The following MACROD2 variants were observed in gnomAD, a reference collection of about 807,000 sequenced individuals.
MACROD2 encodes mono-ADP ribosylhydrolase 2.
In MACROD2, 36 loss-of-function variants were observed where a neutral mutation model predicts 70.4. The ratio of observed to expected loss-of-function variants is 0.51; its 90% CI spans 0.39 to 0.68. The LOEUF is 0.68. MACROD2 is among the 30% of genes least tolerant of loss of function. The pLI, the probability that MACROD2 is intolerant of heterozygous loss-of-function variation, is 0.00. For synonymous variants in MACROD2, 172 were observed against 178.8 expected, an observed-to-expected ratio of 0.96 and a Z score of 0.30; for missense variants, 496 against 538.4, an observed-to-expected ratio of 0.92 and a Z score of 0.78.
chr20:16,049,937 A>G lies in MACROD2; in HGVS notation c.*61A>G. On this transcript the variant is annotated 3_prime_UTR_variant, in exon 18 of 18. Transcript: ENST00000684519. ...GGGGAGCTCGGGAAGATAGCAGCAC[A>G]CGCTGTGGAGGAGGGTGGGGGTGGG... is the stretch of plus-strand genomic sequence containing the variant. 1 of 340,516 alleles carries G rather than the reference A, an allele frequency of 2.9e-6. No individual in the cohort carries two copies. The highest frequency in any genetic ancestry group is 5.6e-6 in the Non-Finnish European group (1 of 179,482). 21.1% of individuals were successfully genotyped at this position (340,516 alleles called of 1,614,324 possible). A position where few individuals can be genotyped will look rare whatever the true frequency, so the allele number is the denominator to read the frequency against.
intron 4 of MACROD2, among the ~76,000 whole-genome samples, chr20:14,528,746 C>T (rs966179045): frequency 6.6e-6 from 1 of 151,982 alleles, no homozygotes; most frequent in Non-Finnish European, 1.5e-5. Context: ...CGGACATGGA[C>T]CATTGATTAG....
rs1568747219 is a variant in MACROD2 at position 14,702,566 on chromosome 20, CACATATATGTGTATATATATGT to C, written c.418+17609_418+17630del. Among the ~76,000 whole-genome samples the C allele has an allele frequency of 2.6e-3, 304 of 118,366 alleles. 8 individuals are homozygous for C. The highest frequency in any genetic ancestry group is 0.015 in the East Asian group (59 of 4,034). 77.7% of individuals were successfully genotyped at this position (118,366 alleles called of 152,430 possible). A position where few individuals can be genotyped will look rare whatever the true frequency, so the allele number is the denominator to read the frequency against. On this transcript the variant is annotated intron_variant, in intron 5 of 17. Transcript: ENST00000684519. ...ATGTGTGTGTGTGTATATATATATA[CACATATATGTGTATATATATGT>C]ATATATATGTGTGTATATATATGTG...
At chr20:15,917,163 A>G (rs912106989) in intron 10 of MACROD2, among the ~76,000 whole-genome samples, 2 of 152,192 alleles carry the variant, frequency 1.3e-5, no homozygotes, top group Non-Finnish European at 2.9e-5. Context: ...AGCCATGGTA[A>G]GAGTCTTCTT....
chr20:14,267,003 A>T (rs1408450299), intron 3 of MACROD2, among the ~76,000 whole-genome samples: 2 of 152,182 alleles, frequency 1.3e-5, no homozygotes. Context: ...TTATTTGCCA[A>T]GTGATGACTT....
chr20:14,554,399 G>A (rs2224291), intron 4 of MACROD2: 3 of 152,032 alleles, frequency 2.0e-5, no homozygotes, highest in Non-Finnish European at 2.9e-5. Context: ...ACAGCTAAGC[G>A]ATTTGCCAGG....
At chr20:14,276,025 G>T (rs1276407591) in intron 3 of MACROD2, among the ~76,000 whole-genome samples, 1 of 151,442 alleles carries the variant, frequency 6.6e-6, no homozygotes, top group Non-Finnish European at 1.5e-5. Context: ...TTACACTGTT[G>T]GTGGGACTGT....
In MACROD2 at chr20:15,643,987, C is replaced by G. The variant is rs149068999; in HGVS notation, c.645+144140C>G. 5.4e-3 allele frequency among the ~76,000 whole-genome samples: 818 copies of G among 152,288 alleles called. 8 individuals carry two copies. Among genetic ancestry groups the G allele is most frequent in the African/African-American group, 0.019 (787 of 41,554 alleles). ...ATAAAAAAGGATAATGCCTCTCTCCCTTTAAGTTCCATGATAGTCCTCGCA... is the reference window on the plus strand; with the variant it reads ...ATAAAAAAGGATAATGCCTCTCTCCGTTTAAGTTCCATGATAGTCCTCGCA... On this transcript the variant is annotated intron_variant, in intron 8 of 17. Coordinates refer to ENST00000684519, the MANE Select transcript of MACROD2 (RefSeq NM_001351661.2).
At chr20:14,469,785 C>G (rs201240292) in intron 3 of MACROD2, among the ~76,000 whole-genome samples, 1 of 151,816 alleles carries the variant, frequency 6.6e-6, no homozygotes, top group African/African-American at 2.4e-5. Context: ...ATCAGGTCAT[C>G]TATGTTCTTC....
At chr20:15,644,771 C>A (rs1422512038) in intron 8 of MACROD2, among the ~76,000 whole-genome samples, 1 of 152,138 alleles carries the variant, frequency 6.6e-6, no homozygotes, top group African/African-American at 2.4e-5. Flanking sequence ...CTCAGTGCAA[C>A]CTCCGCCTCC....
chr20:15,511,460 AG>A (rs1175773677), intron 8 of MACROD2, among the ~76,000 whole-genome samples: 5 of 152,142 alleles, frequency 3.3e-5, no homozygotes, highest in Non-Finnish European at 7.4e-5. Flanking sequence ...CTTTAAAAAA[AG>A]GCCCAGCAAT....
intron 8 of MACROD2, among the ~76,000 whole-genome samples, chr20:15,620,141 GAT>G (rs2049104299): frequency 6.6e-6 from 1 of 152,208 alleles, no homozygotes; most frequent in African/African-American, 2.4e-5. Context: ...ACTGCATGGA[GAT>G]GGGGGACAAG....
At chr20:15,211,064 TAAA>T (rs1034618767) in intron 5 of MACROD2, among the ~76,000 whole-genome samples, 1 of 152,202 alleles carries the variant, frequency 6.6e-6, no homozygotes, top group Non-Finnish European at 1.5e-5. Context: ...TTTGTTGCCT[TAAA>T]AAAGATTCTA....
At chr20:14,569,479 G>C (rs975530778) in intron 4 of MACROD2, among the ~76,000 whole-genome samples, 2 of 151,922 alleles carry the variant, frequency 1.3e-5, no homozygotes, top group African/African-American at 2.4e-5. Flanking sequence ...TTGTATTCCT[G>C]TGTGCCTATT....
At chr20:15,677,375 G>C (rs947216904) in intron 8 of MACROD2, among the ~76,000 whole-genome samples, 3 of 152,044 alleles carry the variant, frequency 2.0e-5, no homozygotes, top group African/African-American at 7.2e-5. Flanking sequence ...ATGCGGTGGT[G>C]GGGGGAAGTG....
At chr20:14,664,258 C>T (rs144969540) in intron 4 of MACROD2, among the ~76,000 whole-genome samples, 36 of 152,160 alleles carry the variant, frequency 2.4e-4, no homozygotes, top group African/African-American at 7.9e-4. Flanking sequence ...GGAGTCCTTC[C>T]TAGTTCCACT....
intron 9 of MACROD2, among the ~76,000 whole-genome samples, chr20:15,880,844 C>A (rs995452573): frequency 1.3e-5 from 2 of 152,026 alleles, no homozygotes; most frequent in South Asian, 4.2e-4. Context: ...GCAGGACATC[C>A]ACATCTAGGC....
chr20:15,453,213 C>A (rs1056366003), intron 7 of MACROD2, among the ~76,000 whole-genome samples: 1 of 116,450 alleles, frequency 8.6e-6, no homozygotes, highest in African/African-American at 2.6e-5. Flanking sequence ...TGCTGTTTTC[C>A]CCTTTCTCTC....
At chr20:14,157,714 A>T (rs900945102) in intron 3 of MACROD2, among the ~76,000 whole-genome samples, 3 of 152,178 alleles carry the variant, frequency 2.0e-5, no homozygotes, top group Non-Finnish European at 4.4e-5. Context: ...TTCACTTAAC[A>T]TAATGACCTC....
intron 5 of MACROD2, among the ~76,000 whole-genome samples, chr20:14,944,901 T>A (rs1262305819): frequency 6.6e-6 from 1 of 152,104 alleles, no homozygotes; most frequent in Non-Finnish European, 1.5e-5. Flanking sequence ...TTTTCTGTCC[T>A]TTATCCACTC....
Sources: gnomAD v4.1 joint callset for allele counts (sites outside exome capture counted in the v4.1 genomes callset) on GRCh38, gnomAD v4.1.1 for gene constraint, MANE v1.5 for transcripts, NCBI Gene and HGNC (gene_info 2026-07-23, HGNC 2026-07-21) for gene names.